LYZL4: variants seen among roughly 807,000 people sequenced by gnomAD.
LYZL4 encodes lysozyme-like protein 4.
A neutral mutation model predicts 17.6 loss-of-function variants in LYZL4; 13 were observed. The ratio of observed to expected loss-of-function variants is 0.74; its 90% confidence interval spans 0.48 to 1.18. LYZL4 has a LOEUF of 1.18. Ranked by LOEUF, LYZL4 falls within the 50% of genes most tolerant of loss-of-function variation. The pLI, the probability that LYZL4 is intolerant of heterozygous loss-of-function variation, is 0.00. For synonymous variants in LYZL4, 64 were observed against 67.7 expected (o/e 0.95, Z 0.27); for missense variants, 174 against 188.2 (o/e 0.92, Z 0.44).
chr3:42,406,936 C>T lies in LYZL4; in HGVS notation c.202G>A (p.Glu68Lys), dbSNP rs770502088. 1 of 1,614,112 alleles carries T rather than the reference C, an allele frequency of 6.2e-7. No homozygotes were observed. The highest frequency in any genetic ancestry group is 1.3e-5 in the African/African-American group (1 of 74,942). ...AAGAGGCCAAAGCCAGTGTAGCCCT[C>T]ACGTGTGTTCTCGTAGATGGCCATG... is the stretch of plus-strand genomic sequence containing the variant. The part of the protein sequence containing the change: ...NPMAIYENTR[E>K]GYTGFGLFQM... The change falls in exon 3 of 5, where the codon GAG becomes AAG. Residue 68 changes from glutamate to lysine, a missense_variant. Coordinates refer to ENST00000287748, the MANE Select transcript of LYZL4 (RefSeq NM_144634.4).
chr3:42,393,411 A>G (rs534797605), downstream of LYZL4, among the ~76,000 whole-genome samples: 3 of 152,234 alleles, frequency 2.0e-5, no homozygotes, highest in East Asian at 5.8e-4. Context: ...TTTTACTCAT[A>G]AAGTCAGCAT....
intron 4 of LYZL4, among the ~76,000 whole-genome samples, chr3:42,403,477 T>C (rs970513535): frequency 6.6e-6 from 1 of 152,078 alleles, no homozygotes; most frequent in East Asian, 1.9e-4. Flanking sequence ...GGTTTTGCCA[T>C]GTTGGTCAGA....
At chr3:42,392,317 C>A (rs1158888890), downstream of LYZL4, among the ~76,000 whole-genome samples, 2 of 152,108 alleles carry the variant, frequency 1.3e-5, no homozygotes, top group Admixed American at 6.5e-5. Flanking sequence ...TGCAGATGGT[C>A]TTATCTGATG....
At chr3:42,390,301 A>T in the LYZL4 span, among the ~76,000 whole-genome samples, 2 of 152,160 alleles carry the variant, frequency 1.3e-5, no homozygotes, top group African/African-American at 4.8e-5. Context: ...GATGGACAAG[A>T]TGAGCTATAG....
At chr3:42,379,189 T>G in the LYZL4 span, among the ~76,000 whole-genome samples, 1 of 152,180 alleles carries the variant, frequency 6.6e-6, no homozygotes, top group African/African-American at 2.4e-5. Context: ...GACAGCTGGA[T>G]TGAGGCAGGA....
At chr3:42,381,331 T>C in the LYZL4 span, among the ~76,000 whole-genome samples, 1 of 152,326 alleles carries the variant, frequency 6.6e-6, no homozygotes, top group South Asian at 2.1e-4. Context: ...ATTTTAGTAT[T>C]TCAATCTATA....
At chr3:42,400,029 C>G (rs1471310838) in intron 4 of LYZL4, among the ~76,000 whole-genome samples, 1 of 150,370 alleles carries the variant, frequency 6.7e-6, no homozygotes, top group Non-Finnish European at 1.5e-5. Context: ...ACACAGAAAA[C>G]AAAACAAAAC....
chr3:42,406,633 A>C (rs1698758888), intron 3 of LYZL4, among the ~76,000 whole-genome samples: 1 of 151,858 alleles, frequency 6.6e-6, no homozygotes, highest in African/African-American at 2.4e-5. Context: ...CCATCACTCC[A>C]TCCTAGGTTA....
At chr3:42,367,771 G>C in the LYZL4 span, among the ~76,000 whole-genome samples, 1 of 152,128 alleles carries the variant, frequency 6.6e-6, no homozygotes, top group Non-Finnish European at 1.5e-5. Context: ...TACAGTGCTC[G>C]GGACAGGGTG....
chr3:42,408,451 T>C (rs1015756973), intron 1 of LYZL4, among the ~76,000 whole-genome samples: 8 of 152,280 alleles, frequency 5.3e-5, no homozygotes, highest in Admixed American at 4.6e-4. Flanking sequence ...ATTCAAATGT[T>C]GCTGCATCTT....
the LYZL4 span, among the ~76,000 whole-genome samples, chr3:42,386,450 C>A: frequency 2.2e-5 from 3 of 138,358 alleles, no homozygotes; most frequent in Non-Finnish European, 4.6e-5. Flanking sequence ...TTACTTTGGG[C>A]CCAAATGGAT....
the LYZL4 span, among the ~76,000 whole-genome samples, chr3:42,387,562 G>A: frequency 2.6e-4 from 40 of 152,110 alleles, no homozygotes; most frequent in African/African-American, 8.2e-4. Context: ...TCCACATGCC[G>A]CCTCCCCCCA....
chr3:42,389,049 G>A, the LYZL4 span, among the ~76,000 whole-genome samples: 1 of 152,200 alleles, frequency 6.6e-6, no homozygotes, highest in East Asian at 1.9e-4. Flanking sequence ...ACTTCAAAGT[G>A]CAAATGGCCA....
At chr3:42,368,960 G>A in the LYZL4 span, among the ~76,000 whole-genome samples, 26 of 152,212 alleles carry the variant, frequency 1.7e-4, no homozygotes, top group Non-Finnish European at 2.2e-4. Flanking sequence ...TTCTTTACTC[G>A]TTTTTCACTT....
chr3:42,380,247 C>CA, the LYZL4 span, among the ~76,000 whole-genome samples: 1 of 152,132 alleles, frequency 6.6e-6, no homozygotes, highest in Non-Finnish European at 1.5e-5. Flanking sequence ...GGCACTTTCC[C>CA]AAAAAAGGAC....
At chr3:42,409,770 A>T (rs1422316515) in intron 1 of LYZL4, among the ~76,000 whole-genome samples, 2 of 152,212 alleles carry the variant, frequency 1.3e-5, no homozygotes, top group Non-Finnish European at 2.9e-5. Flanking sequence ...CAGTCACATC[A>T]CTAATCTCCA....
At chr3:42,406,784 A>G in intron 3 of LYZL4, 62 bp downstream of exon 3, 1 of 1,587,580 alleles carries the variant, frequency 6.3e-7, no homozygotes, top group Non-Finnish European at 8.6e-7. Flanking sequence ...TTTGGAAGGC[A>G]GGCCTCTAAC....
the LYZL4 span, among the ~76,000 whole-genome samples, chr3:42,363,050 G>A: frequency 1.3e-4 from 20 of 152,178 alleles, no homozygotes; most frequent in Admixed American, 6.5e-4. Flanking sequence ...GGAGGTAGAA[G>A]AACAAGTCAA....
intron 3 of LYZL4, 67 bp downstream of exon 3, chr3:42,406,779 A>T (rs1302359793): frequency 1.3e-6 from 2 of 1,582,924 alleles, no homozygotes; most frequent in African/African-American, 1.3e-5. Context: ...GGCCATTTGG[A>T]AGGCAGGCCT....
Sources: allele counts gnomAD v4.1 joint callset (sites outside exome capture counted in the v4.1 genomes callset), GRCh38; gene constraint gnomAD v4.1.1; transcripts MANE v1.5; gene names NCBI Gene and HGNC (gene_info 2026-07-23, HGNC 2026-07-21).